The following IGSF10 variants were observed in gnomAD, a reference collection of about 807,000 sequenced individuals.
IGSF10 encodes immunoglobulin superfamily member 10.
IGSF10 carries 126 observed loss-of-function variants against 128.2 expected under a neutral mutation model. The observed-to-expected ratio is 0.98, with a 90% CI of 0.85 to 1.14. The LOEUF (loss-of-function observed/expected upper bound fraction) is 1.14. Ranked by LOEUF, IGSF10 falls within the 50% of genes most tolerant of loss-of-function variation. The probability of loss-of-function intolerance (pLI) is 0.00; values close to 1 mark genes in which losing one functional copy is unlikely to be tolerated. For synonymous variants in IGSF10, 1,185 were observed against 1,146.2 expected, an observed-to-expected ratio of 1.03 and a Z score of -0.68; for missense variants, 3,295 against 3,149.8, an observed-to-expected ratio of 1.05 and a Z score of -1.10.
the IGSF10 span, among the ~76,000 whole-genome samples, chr3:151,551,510 C>G: frequency 6.6e-6 from 1 of 152,022 alleles, no homozygotes; most frequent in Non-Finnish European, 1.5e-5. Context: ...AGAAAAAATC[C>G]ATCTATAAGT....
chr3:151,486,903 C>A, the IGSF10 span, among the ~76,000 whole-genome samples: 1 of 152,064 alleles, frequency 6.6e-6, no homozygotes, highest in Admixed American at 6.6e-5. Flanking sequence ...AAATTGATAT[C>A]CTAACATCAT....
chr3:151,529,356 C>T, the IGSF10 span, among the ~76,000 whole-genome samples: 1 of 152,216 alleles, frequency 6.6e-6, no homozygotes, highest in Admixed American at 6.5e-5. Context: ...TTAAGCTCTG[C>T]TAAGGGTCAG....
At chr3:151,580,892 T>C in the IGSF10 span, among the ~76,000 whole-genome samples, 2 of 152,170 alleles carry the variant, frequency 1.3e-5, no homozygotes, top group Non-Finnish European at 2.9e-5. Context: ...ATTTATGGTA[T>C]CTATTGTCTT....
the IGSF10 span, among the ~76,000 whole-genome samples, chr3:151,479,922 T>C: frequency 5.9e-5 from 9 of 152,098 alleles, no homozygotes; most frequent in Non-Finnish European, 1.3e-4. Context: ...AGTCTTTGCA[T>C]TGAAGAGTTA....
Position 151,442,174 on chromosome 3 carries a change from G to A in IGSF10, c.5963+810C>T, listed in dbSNP as rs545567545. Among the ~76,000 whole-genome samples the A allele has an allele frequency of 8.5e-5, 13 of 152,244 alleles. No homozygotes were observed. The East Asian group carries it at 2.3e-3, about 27-fold the overall frequency. ...CCTGAATATGTTTCACTTGGTGGAG[G>A]TCTTAATATTGTGACTTTCACAAAG... On this transcript the variant is annotated intron_variant, in intron 7 of 7. Transcript: ENST00000282466.
chr3:151,550,236 T>C, the IGSF10 span, among the ~76,000 whole-genome samples: 1 of 152,188 alleles, frequency 6.6e-6, no homozygotes, highest in Non-Finnish European at 1.5e-5. Flanking sequence ...TCTTATTCCA[T>C]TTTGGCATAT....
At chr3:151,463,538 T>TTG (rs1722153778), upstream of IGSF10, among the ~76,000 whole-genome samples, 1 of 106,658 alleles carries the variant, frequency 9.4e-6, no homozygotes, top group Non-Finnish European at 1.8e-5. Flanking sequence ...TTTTTTTTTT[T>TTG]TTTTTTTTTT....
the IGSF10 span, among the ~76,000 whole-genome samples, chr3:151,562,845 G>T: frequency 6.6e-6 from 1 of 152,036 alleles, no homozygotes; most frequent in African/African-American, 2.4e-5. Context: ...GTACATACAG[G>T]GCAGTCAGGG....
chr3:151,555,488 G>A, the IGSF10 span, among the ~76,000 whole-genome samples: 2 of 152,066 alleles, frequency 1.3e-5, no homozygotes, highest in African/African-American at 4.8e-5. Context: ...CAAGCGTGTG[G>A]ATGAAAGAAC....
the IGSF10 span, among the ~76,000 whole-genome samples, chr3:151,469,503 G>A: frequency 6.6e-6 from 1 of 152,084 alleles, no homozygotes; most frequent in Non-Finnish European, 1.5e-5. Flanking sequence ...AAAAGGGCAT[G>A]TAAACCTTCT....
chr3:151,512,078 A>G, the IGSF10 span, among the ~76,000 whole-genome samples: 4 of 152,208 alleles, frequency 2.6e-5, no homozygotes, highest in Non-Finnish European at 4.4e-5. Context: ...TAACAAGGAT[A>G]TCCAAGAATT....
chr3:151,488,440 T>C, the IGSF10 span, among the ~76,000 whole-genome samples: 2 of 152,110 alleles, frequency 1.3e-5, no homozygotes, highest in African/African-American at 4.8e-5. Flanking sequence ...CAAGCTACAA[T>C]TGACTTTCTT....
intron 7 of IGSF10, among the ~76,000 whole-genome samples, chr3:151,441,208 TATAAC>T (rs1030721398): frequency 7.2e-5 from 11 of 152,220 alleles, no homozygotes; most frequent in African/African-American, 2.7e-4. Context: ...GATTGTGACA[TATAAC>T]AGACAGAACT....
Position 151,447,018 on chromosome 3 carries a change from G to C in IGSF10, c.2963C>G (p.Thr988Arg). The change falls in exon 6 of 8, where the codon ACA becomes AGA. Residue 988 changes from threonine to arginine, a missense_variant. By Grantham distance (71) the Thr-to-Arg change is moderately conservative. Transcript: ENST00000282466. ...STSTFPSDPHTAAHSQFPIPR... is the reference protein window; with the variant it reads ...STSTFPSDPHRAAHSQFPIPR... Reference sequence around the variant, plus strand: ...GATCGGAAACTGAGAATGAGCAGCTGTGTGTGGATCTGAAGGGAACGTGGA... The same window carrying C: ...GATCGGAAACTGAGAATGAGCAGCTCTGTGTGGATCTGAAGGGAACGTGGA... 2 of 1,614,216 alleles carry C rather than the reference G, an allele frequency of 1.2e-6. No homozygotes were observed.
chr3:151,511,521 G>C, the IGSF10 span, among the ~76,000 whole-genome samples: 4 of 152,154 alleles, frequency 2.6e-5, no homozygotes, highest in Non-Finnish European at 4.4e-5. Flanking sequence ...ATGCCAAATT[G>C]TAAAGACCAT....
In IGSF10 at chr3:151,453,532, G is replaced by A. The variant is rs754580450; in HGVS notation, c.567C>T (p.Phe189=). The change falls in exon 5 of 8, where the codon TTC becomes TTT. Residue 189 remains phenylalanine, a synonymous_variant. Transcript: ENST00000282466. ...TCAGGAAGTTATCAGACAAGTATAG[G>A]AACTTAATGAAAGAGATTTTAAATA... The part of the protein sequence containing the change: ...LQIFKISFIK[F]LYLSDNFLTS... 9.9e-6 allele frequency: 16 copies of A among 1,614,066 alleles called. No homozygotes were observed. The highest frequency in any genetic ancestry group is 1.3e-5 in the Non-Finnish European group (15 of 1,179,948).
the IGSF10 span, among the ~76,000 whole-genome samples, chr3:151,510,358 CAA>C: frequency 2.0e-5 from 3 of 152,014 alleles, no homozygotes; most frequent in Non-Finnish European, 4.4e-5. Flanking sequence ...GATACCCAGG[CAA>C]AGAGTGGACC....
chr3:151,444,823 A>G, intron 6 of IGSF10, 96 bp downstream of exon 6: 1 of 1,185,290 alleles, frequency 8.4e-7, no homozygotes, highest in South Asian at 1.6e-5. Context: ...AAAATTTGAA[A>G]CTGATACTGA....
At chr3:151,513,771 C>A in the IGSF10 span, among the ~76,000 whole-genome samples, 31 of 152,182 alleles carry the variant, frequency 2.0e-4, no homozygotes, top group African/African-American at 5.1e-4. Context: ...ACTTCAGCAA[C>A]GTCTCAGGAT....
Sources: allele counts gnomAD v4.1 joint callset (sites outside exome capture counted in the v4.1 genomes callset), GRCh38; gene constraint gnomAD v4.1.1; transcripts MANE v1.5; gene names NCBI Gene and HGNC (gene_info 2026-07-23, HGNC 2026-07-21).